The following SIRT5 variants were observed in gnomAD, a reference collection of about 807,000 sequenced individuals.
SIRT5 encodes the protein NAD-dependent protein deacylase sirtuin-5, mitochondrial.
SIRT5 carries 26 observed loss-of-function variants against 40.0 expected under a neutral mutation model. The ratio of observed to expected loss-of-function variants is 0.65; its 90% CI spans 0.48 to 0.90. SIRT5 has a LOEUF of 0.90. Ranked by LOEUF, SIRT5 falls within the 40% of genes least tolerant of loss-of-function variation. The probability of loss-of-function intolerance (pLI) is 0.00; values close to 1 mark genes in which losing one functional copy is unlikely to be tolerated. For synonymous variants in SIRT5, 146 were observed against 149.1 expected, an observed-to-expected ratio of 0.98 and a Z score of 0.15; for missense variants, 401 against 402.4, an observed-to-expected ratio of 1.00 and a Z score of 0.03.
At chr6:13,609,289 A>C (rs915266903) in intron 9 of SIRT5, among the ~76,000 whole-genome samples, 1 of 152,236 alleles carries the variant, frequency 6.6e-6, no homozygotes. Flanking sequence ...AGGTTTATTG[A>C]TTTAATGCAA....
intron 5 of SIRT5, among the ~76,000 whole-genome samples, chr6:13,593,613 A>C (rs892525141): frequency 4.6e-5 from 7 of 152,226 alleles, no homozygotes; most frequent in African/African-American, 1.4e-4. Flanking sequence ...CTTCTAACTT[A>C]GGTTAAAAAA....
intron 4 of SIRT5, among the ~76,000 whole-genome samples, chr6:13,591,071 G>T (rs563689175): frequency 6.6e-6 from 1 of 151,290 alleles, no homozygotes; most frequent in South Asian, 2.1e-4. Context: ...GTGTCTAGTT[G>T]TGTGTATGTG....
At chr6:13,603,276 CA>C (rs36093293) in intron 9 of SIRT5, among the ~76,000 whole-genome samples, 1,817 of 49,292 alleles carry the variant, frequency 0.037, 9 homozygotes, top group African/African-American at 0.078. Context: ...GACTCCGTCT[CA>C]AAAAAAAAAA....
intron 2 of SIRT5, among the ~76,000 whole-genome samples, chr6:13,581,875 A>G (rs1384224570): frequency 6.6e-6 from 1 of 152,150 alleles, no homozygotes; most frequent in Non-Finnish European, 1.5e-5. Context: ...CACAAAGATG[A>G]CCAAACATCC....
In SIRT5 at chr6:13,591,816, C is replaced by T. The variant is rs200208625; in HGVS notation, c.397C>T (p.Arg133Trp). ...TGAGACCCGGCTGGGCAAGCAGGGC[C>T]GGCGAGTCGTGGTCATCACCCAGAA... ...ECETRLGKQG[R>W]RVVVITQNID... is the part of the protein sequence containing the mutation. Residue 133 changes from arginine to tryptophan, a missense_variant, in exon 5 of 10, where the codon CGG becomes TGG. Arg to Trp is a moderately radical substitution (Grantham distance 101, BLOSUM62 -3). Transcript: ENST00000606117. 30 of 1,614,044 alleles carry T rather than the reference C, an allele frequency of 1.9e-5. No individual in the cohort carries two copies. Among genetic ancestry groups the T allele is most frequent in the Admixed American group, 6.7e-5 (4 of 60,004 alleles).
chr6:13,599,146 A>G lies in SIRT5; in HGVS notation c.732A>G (p.Leu244=). ...EVDRELAHCD[L]CLVVGTSSVV... is the part of the protein sequence containing the mutation. ...ACAGAGAGCTCGCCCACTGTGATTTATGTCTAGTGGTGGGTCATGCCCTTC... is the reference window on the plus strand; with the variant it reads ...ACAGAGAGCTCGCCCACTGTGATTTGTGTCTAGTGGTGGGTCATGCCCTTC... Residue 244 remains leucine (L), a synonymous_variant, in exon 8 of 10, where the codon TTA becomes TTG. Transcript: ENST00000606117. 1 of 1,613,866 alleles carries G rather than the reference A, an allele frequency of 6.2e-7. No individual in the cohort carries two copies. Among genetic ancestry groups the G allele is most frequent in the Non-Finnish European group, 8.5e-7 (1 of 1,179,902 alleles).
Position 13,595,529 on chromosome 6 carries a change from C to T in SIRT5, c.528C>T (p.Tyr176=), listed in dbSNP as rs375024007. ...CTTGTGGAGTTGTGGCTGAGAATTACAAGAGTCCAATTTGTCCAGCTTTAT... is the reference window on the plus strand; with the variant it reads ...CTTGTGGAGTTGTGGCTGAGAATTATAAGAGTCCAATTTGTCCAGCTTTAT... ...CTSCGVVAEN[Y]KSPICPALSG... Residue 176 remains tyrosine, a synonymous_variant, in exon 6 of 10, where the codon TAC becomes TAT. Transcript: ENST00000606117. The T allele has an allele frequency of 6.2e-7, 1 of 1,614,058 alleles. No homozygotes were observed. The highest frequency in any genetic ancestry group is 8.5e-7 in the Non-Finnish European group (1 of 1,179,946).
At chr6:13,583,988 AT>A in intron 2 of SIRT5, 87 bp from the exon 3 acceptor site, 1 of 534,992 alleles carries the variant, frequency 1.9e-6, no homozygotes. Flanking sequence ...TCTGTAATAT[AT>A]AAAATATAAA....
intron 1 of SIRT5, among the ~76,000 whole-genome samples, chr6:13,575,429 G>T (rs934817043): frequency 2.0e-5 from 3 of 152,058 alleles, no homozygotes; most frequent in Admixed American, 6.5e-5. Flanking sequence ...GTGATGTATT[G>T]CATTTATTTA....
rs577767533 is a variant in SIRT5, at chr6:13,606,698, T to G, written c.858-5092T>G. Among the ~76,000 whole-genome samples, 398 of 152,348 alleles carry G rather than the reference T, an allele frequency of 2.6e-3. 2 individuals carry two copies. The highest frequency in any genetic ancestry group is 9.1e-3 in the African/African-American group (380 of 41,574). On this transcript the variant is annotated intron_variant, in intron 9 of 9. Transcript: ENST00000606117. ...TGTTTGTTTTTTGTTTTGTTTTGTT[T>G]TAAGACAGAGTCTTGCTCTGTTGCC...
chr6:13,578,370 AT>A (rs770376030), intron 1 of SIRT5, among the ~76,000 whole-genome samples: 1 of 152,156 alleles, frequency 6.6e-6, no homozygotes, highest in Non-Finnish European at 1.5e-5. Context: ...TTTGAAAATA[AT>A]TGGTATTGGG....
intron 2 of SIRT5, among the ~76,000 whole-genome samples, chr6:13,580,715 A>G (rs1455284248): frequency 8.6e-5 from 13 of 152,042 alleles, no homozygotes; most frequent in Non-Finnish European, 5.9e-5. Context: ...TCACCCAGGC[A>G]GGGAGTCCAG....
At chr6:13,604,292 C>T (rs1333737600) in intron 9 of SIRT5, among the ~76,000 whole-genome samples, 1 of 152,218 alleles carries the variant, frequency 6.6e-6, no homozygotes, top group Non-Finnish European at 1.5e-5. Context: ...TGTTGTGGCA[C>T]CTATGTGGAG....
chr6:13,581,576 A>G (rs1472871695), intron 2 of SIRT5, among the ~76,000 whole-genome samples: 2 of 152,218 alleles, frequency 1.3e-5, no homozygotes, highest in African/African-American at 4.8e-5. Flanking sequence ...TTAAAGATTC[A>G]TTCATGCTGT....
intron 3 of SIRT5, among the ~76,000 whole-genome samples, chr6:13,585,896 C>T (rs1760008940): frequency 6.6e-6 from 1 of 152,190 alleles, no homozygotes; most frequent in African/African-American, 2.4e-5. Flanking sequence ...ACATCCTGTC[C>T]AGCACCTGTT....
At chr6:13,604,423 C>T (rs1762824452) in intron 9 of SIRT5, 2 of 1,073,480 alleles carry the variant, frequency 1.9e-6, no homozygotes, top group Admixed American at 1.8e-5. Context: ...CTTTGTGAAG[C>T]AGGACCTGAG....
intron 8 of SIRT5, among the ~76,000 whole-genome samples, chr6:13,600,227 T>C (rs2253217): frequency 0.31 from 46,404 of 152,112 alleles, 7,412 homozygotes; most frequent in Admixed American, 0.41. Context: ...TTTCTTGTGG[T>C]GCGTATTCAT....
intron 3 of SIRT5, 118 bp from the exon 4 acceptor site, chr6:13,588,213 G>C: frequency 7.8e-7 from 1 of 1,287,766 alleles, no homozygotes; most frequent in Admixed American, 2.3e-5. Flanking sequence ...CAGGAATGAT[G>C]TTTGTTTATC....
rs373874340 is a variant in SIRT5, at chr6:13,604,433, G to A, written c.857+3484G>A. ...ATAAACTTTGTGAAGCAGGACCTGA[G>A]CTATGTCCCCAGTTTGGTTCTTCTA... On this transcript the variant is annotated intron_variant, in intron 9 of 9. Coordinates refer to ENST00000606117, the MANE Select transcript of SIRT5 (RefSeq NM_012241.5). The A allele has an allele frequency of 2.2e-5, 26 of 1,167,572 alleles. No homozygotes were observed. In the African/African-American group the frequency reaches 2.6e-4, roughly 12 times the overall value. 72.3% of individuals were successfully genotyped at this position (1,167,572 alleles called of 1,614,324 possible).
Sources: allele counts gnomAD v4.1 joint callset (sites outside exome capture counted in the v4.1 genomes callset), GRCh38; gene constraint gnomAD v4.1.1; transcripts MANE v1.5; gene names NCBI Gene and HGNC (gene_info 2026-07-23, HGNC 2026-07-21).